The following INO80D variants were observed in gnomAD, a reference collection of about 807,000 sequenced individuals.
INO80D encodes INO80 complex subunit D.
A neutral mutation model predicts 87.6 loss-of-function variants in INO80D; 21 were observed. The observed-to-expected ratio is 0.24, with a 90% confidence interval of 0.17 to 0.35. The LOEUF is 0.35. Ranked by LOEUF, INO80D falls within the 10% of genes least tolerant of loss-of-function variation. INO80D has a pLI of 1.00. For synonymous variants in INO80D, 440 were observed against 491.0 expected, an observed-to-expected ratio of 0.90 and a Z score of 1.37; for missense variants, 982 against 1,280.7, an observed-to-expected ratio of 0.77 and a Z score of 3.56.
At chr2:206,049,554 C>T (rs1378806236) in intron 4 of INO80D, among the ~76,000 whole-genome samples, 2 of 152,148 alleles carry the variant, frequency 1.3e-5, no homozygotes, top group South Asian at 2.1e-4. Context: ...AAAACTAAGA[C>T]GGAAGTGTTT....
intron 3 of INO80D, among the ~76,000 whole-genome samples, chr2:206,058,418 C>CAAAAAA (rs59790218): frequency 8.0e-6 from 1 of 125,326 alleles, no homozygotes; most frequent in African/African-American, 3.5e-5. Flanking sequence ...GACTCTGTCT[C>CAAAAAA]AAAAAAAAAA....
At chr2:206,063,316 C>G (rs938165461) in intron 1 of INO80D, 72 bp from the exon 2 acceptor site, 1 of 517,500 alleles carries the variant, frequency 1.9e-6, no homozygotes, top group African/African-American at 2.0e-5. Flanking sequence ...AAGCAAAATA[C>G]TAAGATATCA....
rs1687865664 is a variant in INO80D, at chr2:205,999,385, T to C, written c.*4983A>G. On this transcript the variant is annotated 3_prime_UTR_variant, in exon 11 of 11. Coordinates refer to ENST00000403263, the MANE Select transcript of INO80D (RefSeq NM_017759.5). ...CACTGAGAGTTAGATTTTTCTCTTA[T>C]ACGAGTATTGATCTAAACTTTAGAT... The C allele has an allele frequency of 6.6e-6, 1 of 152,334 alleles. No homozygotes were observed. Among genetic ancestry groups the C allele is most frequent in the East Asian group, 1.9e-4 (1 of 5,184 alleles). The allele number at this position is 152,334 out of a possible 1,614,324, so 9.4% of individuals were successfully genotyped here. A position where few individuals can be genotyped will look rare whatever the true frequency, so the allele number is the denominator to read the frequency against.
chr2:206,039,441 TGCTATA>T (rs1478764321), intron 5 of INO80D, among the ~76,000 whole-genome samples: 1 of 152,098 alleles, frequency 6.6e-6, no homozygotes, highest in Non-Finnish European at 1.5e-5. Context: ...ACGATGTTCC[TGCTATA>T]GCTTAGGCTC....
rs552832938 is a variant in INO80D, at chr2:206,069,182, T to G, written c.-123-5938A>C. Among the ~76,000 whole-genome samples the G allele has an allele frequency of 6.6e-5, 10 of 152,262 alleles. No homozygotes were observed. The East Asian group carries it at 1.9e-3, about 29-fold the overall frequency. The stretch of plus-strand genomic sequence containing the variant: ...GTGTAGCTCTACTTATACATGGATT[T>G]TTTTTCCTCCTCTGCTACCCTGACA... On this transcript the variant is annotated intron_variant, in intron 1 of 10. Transcript: ENST00000403263.
intron 4 of INO80D, among the ~76,000 whole-genome samples, chr2:206,048,625 G>A (rs1395033991): frequency 1.3e-5 from 2 of 152,172 alleles, no homozygotes; most frequent in Admixed American, 1.3e-4. Flanking sequence ...CAGGTGCACC[G>A]GCTCATGCTT....
At position 206,008,282 on chromosome 2, in the gene INO80D, C is replaced by CTT. The variant is rs376619981; in HGVS notation, c.1761-843_1761-842dup. 1.4e-3 allele frequency among the ~76,000 whole-genome samples: 165 copies of CTT among 121,136 alleles called. 2 individuals carry two copies. Among genetic ancestry groups the CTT allele is most frequent in the South Asian group, 0.013 (44 of 3,500 alleles). The allele number at this position is 121,136 out of a possible 152,430, so 79.5% of individuals were successfully genotyped here. ...TACAGGCATGAGCCACCATGCCTTGCTTTTTTTTTTTTTTTTGAGATGGAG... is the reference window on the plus strand; with the variant it reads ...TACAGGCATGAGCCACCATGCCTTGCTTTTTTTTTTTTTTTTTTGAGATGGAG... On this transcript the variant is annotated intron_variant, in intron 9 of 10. Coordinates refer to ENST00000403263, the MANE Select transcript of INO80D (RefSeq NM_017759.5).
Position 206,056,404 on chromosome 2 carries a change from G to A in INO80D, c.758C>T (p.Ala253Val). The A allele has an allele frequency of 6.2e-7, 1 of 1,613,964 alleles. No homozygotes were observed. Among genetic ancestry groups the A allele is most frequent in the Non-Finnish European group, 8.5e-7 (1 of 1,179,884 alleles). ...QGVAPTTHTIAQARQLSHKRP... is the reference protein window; with the variant it reads ...QGVAPTTHTIVQARQLSHKRP... ...CTTGTGAGACAACTGCCGTGCTTGTGCTATAGTGTGTGTGGTGGGTGCCAC... is the reference window on the plus strand; with the variant it reads ...CTTGTGAGACAACTGCCGTGCTTGTACTATAGTGTGTGTGGTGGGTGCCAC... The change falls in exon 4 of 11, where the codon GCA (alanine) becomes GTA (valine). Residue 253 changes from alanine to valine, a missense_variant. Transcript: ENST00000403263.
At chr2:206,034,996 AAAT>A (rs1688856725) in intron 5 of INO80D, among the ~76,000 whole-genome samples, 1 of 152,096 alleles carries the variant, frequency 6.6e-6, no homozygotes, top group Non-Finnish European at 1.5e-5. Context: ...TGCAAAAGAA[AAAT>A]AATAATAATA....
At chr2:206,040,607 G>A in intron 5 of INO80D, 1 of 255,708 alleles carries the variant, frequency 3.9e-6, no homozygotes, top group South Asian at 5.0e-5. Flanking sequence ...GCTGCCATGG[G>A]CAAAAAGAAG....
chr2:206,085,136 G>C lies in INO80D; in HGVS notation c.-124+765C>G, dbSNP rs11893570. 6.6e-6 allele frequency among the ~76,000 whole-genome samples: 1 copy of C among 152,016 alleles called. No homozygotes were observed. The highest frequency in any genetic ancestry group is 1.5e-5 in the Non-Finnish European group (1 of 67,982). ...GGGGGGTCCCGGGCGCTAGGACCAG[G>C]GCTCCCCGGAGAGACAGCGGCCCCC... On this transcript the variant is annotated intron_variant, in intron 1 of 10. Coordinates refer to ENST00000403263, the MANE Select transcript of INO80D (RefSeq NM_017759.5). The surrounding 1 kb of genome is among the most constrained non-coding windows in gnomAD (Gnocchi z 4.5).
rs1017109050 is a variant in INO80D, at chr2:206,019,675, T to C, written c.1408+61A>G. 7 of 1,175,560 alleles carry C rather than the reference T, an allele frequency of 6.0e-6. No individual in the cohort carries two copies. The East Asian group carries it at 1.5e-4, about 25-fold the overall frequency. 72.8% of individuals were successfully genotyped at this position (1,175,560 alleles called of 1,614,324 possible). On this transcript the variant is annotated intron_variant, in intron 7 of 10. Transcript: ENST00000403263. Reference sequence around the variant, plus strand: ...TCATTCACTTGAATTAAAAATGAAATATACAGCCCCAAATTAGGTAGTACT... The same window carrying C: ...TCATTCACTTGAATTAAAAATGAAACATACAGCCCCAAATTAGGTAGTACT...
At chr2:206,082,024 C>A (rs1054809615) in intron 1 of INO80D, among the ~76,000 whole-genome samples, 2 of 152,108 alleles carry the variant, frequency 1.3e-5, no homozygotes, top group African/African-American at 4.8e-5. Flanking sequence ...AAAAACTCAT[C>A]TTTTATTTTT....
chr2:206,032,680 A>G (rs942415951), intron 5 of INO80D, among the ~76,000 whole-genome samples: 3 of 152,138 alleles, frequency 2.0e-5, no homozygotes, highest in Non-Finnish European at 4.4e-5. Flanking sequence ...TCCTTAAACA[A>G]AACAATTATC....
At chr2:206,052,437 C>T (rs1023513692) in intron 4 of INO80D, among the ~76,000 whole-genome samples, 1 of 152,114 alleles carries the variant, frequency 6.6e-6, no homozygotes, top group Non-Finnish European at 1.5e-5. Flanking sequence ...TCGTGATCCA[C>T]CCGCCTCAGC....
chr2:206,009,773 T>C lies in INO80D; in HGVS notation c.1564A>G (p.Asn522Asp). ...TGCTGGTGCTGAACTTTACGGGAGT[T>C]ATCTCCTCTCAAGAAATTATCCTTT... ...KKMDNFLRGDNSRKVQHQQQR... is the reference protein window; with the variant it reads ...KKMDNFLRGDDSRKVQHQQQR... The change falls in exon 9 of 11, where the codon AAC becomes GAC. Residue 522 changes from asparagine (N) to aspartate (D), a missense_variant. Asn to Asp is a conservative substitution (Grantham distance 23, BLOSUM62 1). Transcript: ENST00000403263. The C allele has an allele frequency of 1.3e-5, 21 of 1,612,442 alleles. No individual in the cohort carries two copies. The highest frequency in any genetic ancestry group is 1.8e-5 in the Non-Finnish European group (21 of 1,179,256).
At chr2:206,051,505 G>C (rs567293856) in intron 4 of INO80D, among the ~76,000 whole-genome samples, 3 of 152,116 alleles carry the variant, frequency 2.0e-5, no homozygotes, top group South Asian at 4.2e-4. Context: ...GAAGTGAAAG[G>C]CAAAATAAAC....
rs1409569269 is a variant in INO80D, at chr2:206,005,109, T to G, written c.2343A>C (p.Pro781=). The change falls in exon 11 of 11, where the codon CCA becomes CCC. Residue 781 remains proline (P), a synonymous_variant. Coordinates refer to ENST00000403263, the MANE Select transcript of INO80D (RefSeq NM_017759.5). ...SQSALGERAF[P]GQFHGLHDGS... is the part of the protein sequence containing the mutation. ...CGTCATGAAGTCCATGAAACTGTCC[T>G]GGGAAGGCTCTCTCCCCAAGTGCAC... 1 of 1,613,960 alleles carries G rather than the reference T, an allele frequency of 6.2e-7. No individual in the cohort carries two copies. The highest frequency in any genetic ancestry group is 1.7e-5 in the Admixed American group (1 of 60,022).
At chr2:206,059,286 C>G (rs1013080188) in intron 3 of INO80D, among the ~76,000 whole-genome samples, 1 of 151,962 alleles carries the variant, frequency 6.6e-6, no homozygotes, top group African/African-American at 2.4e-5. Flanking sequence ...GAAGCTGAGG[C>G]AGCAAAATCC....
Sources: allele counts gnomAD v4.1 joint callset (sites outside exome capture counted in the v4.1 genomes callset), GRCh38; gene constraint gnomAD v4.1.1; non-coding constraint Gnocchi (gnomAD v3.1); transcripts MANE v1.5; gene names NCBI Gene and HGNC (gene_info 2026-07-23, HGNC 2026-07-21).